The following CDH18 variants were observed in gnomAD, a reference collection of about 807,000 sequenced individuals.
CDH18 encodes the protein cadherin 18.
CDH18 carries 31 observed loss-of-function variants against 67.9 expected under a neutral mutation model. The observed-to-expected ratio is 0.46, with a 90% CI of 0.34 to 0.62. The LOEUF (loss-of-function observed/expected upper bound fraction) is 0.62, where lower values mean the gene tolerates loss of function less well. CDH18 is among the 20% of genes least tolerant of loss of function. The pLI, the probability that CDH18 is intolerant of heterozygous loss-of-function variation, is 0.01. For synonymous variants in CDH18, 362 were observed against 347.2 expected (o/e 1.04, Z -0.48); for missense variants, 890 against 975.5 (o/e 0.91, Z 1.17).
intron 5 of CDH18, among the ~76,000 whole-genome samples, chr5:19,692,416 A>G (rs1479625023): frequency 6.6e-6 from 1 of 152,164 alleles, no homozygotes; most frequent in East Asian, 1.9e-4. Flanking sequence ...TCTGCTCAGC[A>G]GAATAAATAA....
chr5:19,593,974 T>C (rs561060489), intron 6 of CDH18, among the ~76,000 whole-genome samples: 13 of 152,106 alleles, frequency 8.5e-5, no homozygotes, highest in South Asian at 4.2e-4. Context: ...TTAATCATTA[T>C]CAAGACTAAC....
At chr5:20,304,148 T>C in intron 1 of CDH18, 1 of 1,573,176 alleles carries the variant, frequency 6.4e-7, no homozygotes. Context: ...ATTCTTCTCG[T>C]CAATTGGTGG....
intron 5 of CDH18, among the ~76,000 whole-genome samples, chr5:19,709,191 G>A (rs1005237455): frequency 7.2e-5 from 11 of 151,926 alleles, no homozygotes; most frequent in South Asian, 6.2e-4. Flanking sequence ...CACTTACTTC[G>A]GAAATATGTG....
chr5:20,064,615 G>A (rs182832336), intron 2 of CDH18, among the ~76,000 whole-genome samples: 1 of 152,132 alleles, frequency 6.6e-6, no homozygotes, highest in East Asian at 1.9e-4. Context: ...GATACCTATA[G>A]GTGACATGGT....
At chr5:20,290,089 C>T (rs973602270) in intron 1 of CDH18, among the ~76,000 whole-genome samples, 3 of 152,080 alleles carry the variant, frequency 2.0e-5, no homozygotes, top group Admixed American at 1.3e-4. Flanking sequence ...TACCTTCCTT[C>T]CCTGTCAAGT....
chr5:19,844,412 C>T (rs1431364156), intron 2 of CDH18, among the ~76,000 whole-genome samples: 2 of 152,098 alleles, frequency 1.3e-5, no homozygotes, highest in African/African-American at 4.8e-5. Flanking sequence ...ATTCTCTCTC[C>T]TGTAGACTTG....
At chr5:19,827,397 A>G (rs917634906) in intron 3 of CDH18, among the ~76,000 whole-genome samples, 1 of 152,078 alleles carries the variant, frequency 6.6e-6, no homozygotes, top group Admixed American at 6.6e-5. Context: ...TTTAACAAAT[A>G]TCTACAGAAC....
intron 5 of CDH18, among the ~76,000 whole-genome samples, chr5:19,691,802 T>C (rs1761923033): frequency 6.6e-6 from 1 of 151,878 alleles, no homozygotes; most frequent in African/African-American, 2.4e-5. Flanking sequence ...ACCATATTAC[T>C]AAAATCAATC....
intron 3 of CDH18, among the ~76,000 whole-genome samples, chr5:19,835,208 C>T (rs1056863513): frequency 1.3e-5 from 2 of 152,114 alleles, no homozygotes; most frequent in Non-Finnish European, 2.9e-5. Context: ...GGAATGAGAT[C>T]ATGTCCTTTG....
At chr5:19,960,585 GTGTGTATA>G (rs1796709707) in intron 2 of CDH18, among the ~76,000 whole-genome samples, 1 of 128,254 alleles carries the variant, frequency 7.8e-6, no homozygotes, top group South Asian at 2.3e-4. Context: ...GTGTGTGTGT[GTGTGTATA>G]TATATATATA....
At chr5:19,955,200 T>C (rs910297791) in intron 2 of CDH18, among the ~76,000 whole-genome samples, 32 of 152,206 alleles carry the variant, frequency 2.1e-4, no homozygotes, top group Non-Finnish European at 4.3e-4. Flanking sequence ...TCCCCAGTTA[T>C]GCTGAACTGT....
intron 1 of CDH18, among the ~76,000 whole-genome samples, chr5:20,310,779 T>C (rs557923298): frequency 2.6e-5 from 4 of 152,344 alleles, no homozygotes; most frequent in African/African-American, 9.6e-5. Flanking sequence ...ATTGAATGCA[T>C]TGTCCACATT....
chr5:20,490,219 AG>A (rs1753505196), intron 1 of CDH18, among the ~76,000 whole-genome samples: 1 of 152,092 alleles, frequency 6.6e-6, no homozygotes, highest in Non-Finnish European at 1.5e-5. Flanking sequence ...TATGATCAAA[AG>A]GCTTTACAGA....
chr5:19,500,945 A>G (rs1010684476), intron 11 of CDH18, among the ~76,000 whole-genome samples: 3 of 151,850 alleles, frequency 2.0e-5, no homozygotes, highest in Non-Finnish European at 4.4e-5. Context: ...AACCTGGCCA[A>G]CATGATGAAA....
chr5:20,056,478 G>GTTTTTTTTTTTTTTTTTTTTTTTTT lies in CDH18; in HGVS notation c.-517-64489_-517-64465dup, dbSNP rs58415003. On this transcript the variant is annotated intron_variant, in intron 2 of 14. Coordinates refer to the CDH18 transcript ENST00000507958. ...TATTTTTCTTTATTTTCTTTCTTTT[G>GTTTTTTTTTTTTTTTTTTTTTTTTT]TTTTTTTTTTTTTTTTTTTTTTTTT... 1.2e-4 allele frequency among the ~76,000 whole-genome samples: 2 copies of GTTTTTTTTTTTTTTTTTTTTTTTTT among 16,288 alleles called. 1 individual carries two copies. Among genetic ancestry groups the GTTTTTTTTTTTTTTTTTTTTTTTTT allele is most frequent in the African/African-American group, 4.2e-4 (2 of 4,706 alleles). 10.7% of individuals were successfully genotyped at this position (16,288 alleles called of 152,430 possible).
At chr5:20,330,698 C>T (rs981056375) in intron 1 of CDH18, among the ~76,000 whole-genome samples, 2 of 152,134 alleles carry the variant, frequency 1.3e-5, no homozygotes, top group Non-Finnish European at 2.9e-5. Context: ...ACTGTGCATG[C>T]GGACAGCCCA....
intron 3 of CDH18, among the ~76,000 whole-genome samples, chr5:19,817,412 T>C (rs2149926642): frequency 6.6e-6 from 1 of 152,090 alleles, no homozygotes; most frequent in East Asian, 1.9e-4. Context: ...ATGATATGTG[T>C]ACAAGGACAT....
At chr5:19,741,764 C>T (rs1260249986) in intron 4 of CDH18, among the ~76,000 whole-genome samples, 2 of 152,054 alleles carry the variant, frequency 1.3e-5, no homozygotes, top group Non-Finnish European at 2.9e-5. Flanking sequence ...TTCCCTAGGG[C>T]AGTAGTTCTT....
intron 1 of CDH18, among the ~76,000 whole-genome samples, chr5:20,487,212 T>A (rs935514504): frequency 1.8e-4 from 28 of 152,252 alleles, no homozygotes; most frequent in African/African-American, 5.5e-4. Context: ...CGTTAAGGGA[T>A]CTAATTTTCT....
Sources: gnomAD v4.1 joint callset for allele counts (sites outside exome capture counted in the v4.1 genomes callset) on GRCh38, gnomAD v4.1.1 for gene constraint, MANE v1.5 for transcripts, NCBI Gene and HGNC (gene_info 2026-07-23, HGNC 2026-07-21) for gene names.